Variants in PHF24 observed in about 807,000 individuals in gnomAD.
PHF24 encodes Galpha inhibitory interacting protein.
A neutral mutation model predicts 42.6 loss-of-function variants in PHF24; 25 were observed. That is an observed-to-expected ratio of 0.59 (90% CI 0.43 to 0.82). The LOEUF (loss-of-function observed/expected upper bound fraction) is 0.82, where lower values mean the gene tolerates loss of function less well. PHF24 is among the 40% of genes least tolerant of loss of function. The pLI, the probability that PHF24 is intolerant of heterozygous loss-of-function variation, is 0.00. For missense variants in PHF24, 470 were observed against 538.1 expected (o/e 0.87, Z 1.25); for synonymous variants, 185 against 204.8 (o/e 0.90, Z 0.83).
chr9:34,901,679 G>T, the PHF24 span, among the ~76,000 whole-genome samples: 2 of 152,170 alleles, frequency 1.3e-5, no homozygotes, highest in African/African-American at 4.8e-5. Flanking sequence ...ACTTTGGGAG[G>T]CCGAGGCAGG....
chr9:34,805,993 G>A, the PHF24 span, among the ~76,000 whole-genome samples: 6 of 152,152 alleles, frequency 3.9e-5, no homozygotes, highest in Non-Finnish European at 8.8e-5. Flanking sequence ...CTCATTGACT[G>A]ATCTTGGTAG....
the PHF24 span, among the ~76,000 whole-genome samples, chr9:34,905,350 GT>G: frequency 1.3e-5 from 2 of 152,108 alleles, no homozygotes. Flanking sequence ...CTGTGCTTTA[GT>G]TTTTTCCCTG....
At chr9:34,793,778 C>CTT in the PHF24 span, among the ~76,000 whole-genome samples, 91 of 144,298 alleles carry the variant, frequency 6.3e-4, no homozygotes, top group African/African-American at 2.2e-3. Flanking sequence ...TCCTCTGTTT[C>CTT]TTTTTTTTTT....
At chr9:34,723,767 G>C in the PHF24 span, 1 of 1,551,604 alleles carries the variant, frequency 6.4e-7, no homozygotes, top group Non-Finnish European at 8.7e-7. Flanking sequence ...CACAGTCTGG[G>C]CATTCTCAGG....
the PHF24 span, among the ~76,000 whole-genome samples, chr9:34,764,092 C>T: frequency 8.5e-5 from 13 of 152,186 alleles, no homozygotes; most frequent in South Asian, 1.9e-3. Flanking sequence ...CTGCTGGATT[C>T]GGTTTGCCAG....
chr9:34,798,167 T>C, the PHF24 span, among the ~76,000 whole-genome samples: 151 of 151,850 alleles, frequency 9.9e-4, 1 homozygote, highest in African/African-American at 3.6e-3. Flanking sequence ...CTCAGAACTG[T>C]ACACATGAAA....
At chr9:34,721,105 A>G in the PHF24 span, among the ~76,000 whole-genome samples, 1 of 151,964 alleles carries the variant, frequency 6.6e-6, no homozygotes, top group Non-Finnish European at 1.5e-5. Context: ...TCTCTCTACC[A>G]CCAGTGAAGT....
At chr9:34,854,917 CT>C in the PHF24 span, among the ~76,000 whole-genome samples, 15 of 152,162 alleles carry the variant, frequency 9.9e-5, no homozygotes, top group Non-Finnish European at 1.8e-4. Context: ...GTCTAAGTCT[CT>C]TTGAAGGTCT....
At chr9:34,973,463 A>G (rs1159141817) in intron 3 of PHF24, among the ~76,000 whole-genome samples, 1 of 152,234 alleles carries the variant, frequency 6.6e-6, no homozygotes, top group Non-Finnish European at 1.5e-5. Flanking sequence ...GACAGAGTCT[A>G]AGGTTTCCAT....
chr9:34,709,637 T>C, the PHF24 span: 2 of 1,614,178 alleles, frequency 1.2e-6, no homozygotes, highest in African/African-American at 1.3e-5. Context: ...AGAGCTCCTT[T>C]GGGTCTGCAC....
the PHF24 span, among the ~76,000 whole-genome samples, chr9:34,666,740 G>A: frequency 7.2e-5 from 11 of 152,154 alleles, no homozygotes; most frequent in Non-Finnish European, 1.3e-4. Flanking sequence ...GAGTTCAGGA[G>A]TTCAAGACCA....
At chr9:34,667,364 C>G in the PHF24 span, among the ~76,000 whole-genome samples, 73,520 of 151,928 alleles carry the variant, frequency 0.48, 18,604 homozygotes, top group East Asian at 0.8. Flanking sequence ...GAGCCACATA[C>G]AGAGAGCAGA....
chr9:34,902,979 A>G, the PHF24 span, among the ~76,000 whole-genome samples: 1 of 152,204 alleles, frequency 6.6e-6, no homozygotes, highest in African/African-American at 2.4e-5. Context: ...AGAAAGGGGA[A>G]TTAACCCTGA....
the PHF24 span, among the ~76,000 whole-genome samples, chr9:34,810,489 G>T: frequency 6.6e-6 from 1 of 152,290 alleles, no homozygotes; most frequent in East Asian, 1.9e-4. Context: ...AGGTGCTCTC[G>T]AGCTGGCTCA....
the PHF24 span, among the ~76,000 whole-genome samples, chr9:34,912,152 C>G: frequency 8.5e-5 from 13 of 152,152 alleles, no homozygotes; most frequent in Non-Finnish European, 1.5e-4. Flanking sequence ...GGCAGTGGTA[C>G]AGAAACCCAG....
chr9:34,880,155 G>T, the PHF24 span, among the ~76,000 whole-genome samples: 1 of 152,202 alleles, frequency 6.6e-6, no homozygotes, highest in Non-Finnish European at 1.5e-5. Context: ...AATACTGAGA[G>T]ATTTTGTCAC....
chr9:34,963,159 C>T (rs1392477142), intron 1 of PHF24, among the ~76,000 whole-genome samples: 1 of 151,982 alleles, frequency 6.6e-6, no homozygotes, highest in Non-Finnish European at 1.5e-5. Flanking sequence ...TGTAGTGAGG[C>T]ACTGGAATTT....
chr9:34,837,169 T>C, the PHF24 span: 1 of 470,032 alleles, frequency 2.1e-6, no homozygotes, highest in South Asian at 1.6e-5. Flanking sequence ...AGTGGCATGG[T>C]AGAGTTTTCA....
the PHF24 span, among the ~76,000 whole-genome samples, chr9:34,888,320 G>A: frequency 1.4e-4 from 22 of 152,198 alleles, no homozygotes; most frequent in Non-Finnish European, 2.4e-4. Context: ...CCTGTGTATC[G>A]TTCACTGTTA....
Sources: allele counts gnomAD v4.1 joint callset (sites outside exome capture counted in the v4.1 genomes callset), GRCh38; gene constraint gnomAD v4.1.1; transcripts MANE v1.5; gene names NCBI Gene and HGNC (gene_info 2026-07-23, HGNC 2026-07-21).